MNAT1: variants seen among roughly 807,000 people sequenced by gnomAD.
The protein encoded by MNAT1 is MNAT1 component of CDK activating kinase.
MNAT1 carries 43 observed loss-of-function variants against 42.0 expected under a neutral mutation model. The observed-to-expected ratio is 1.02, with a 90% CI of 0.80 to 1.32. The LOEUF is 1.32. Ranked by LOEUF, MNAT1 falls within the 40% of genes most tolerant of loss-of-function variation. The pLI is 0.00. For synonymous variants in MNAT1, 118 were observed against 120.0 expected (o/e 0.98, Z 0.11); for missense variants, 306 against 350.4 (o/e 0.87, Z 1.01).
chr14:60,746,927 C>T (rs796386157), intron 1 of MNAT1, among the ~76,000 whole-genome samples: 2,369 of 4,698 alleles, frequency 0.5, 273 homozygotes, highest in East Asian at 0.59. Context: ...TATATATACA[C>T]ACACACACAC....
intron 6 of MNAT1, among the ~76,000 whole-genome samples, chr14:60,854,726 C>T (rs748860548): frequency 6.6e-6 from 1 of 152,166 alleles, no homozygotes; most frequent in Non-Finnish European, 1.5e-5. Context: ...TCCTGTATGA[C>T]GTGTCTGTTG....
intron 7 of MNAT1, among the ~76,000 whole-genome samples, chr14:60,935,269 C>A (rs1346251332): frequency 6.6e-6 from 1 of 151,754 alleles, no homozygotes; most frequent in African/African-American, 2.4e-5. Context: ...CTCCCCCTCT[C>A]TTTTTTTTCT....
chr14:60,865,068 A>G (rs940735938), intron 6 of MNAT1, among the ~76,000 whole-genome samples: 4 of 152,064 alleles, frequency 2.6e-5, no homozygotes, highest in Non-Finnish European at 4.4e-5. Flanking sequence ...TCATGAAACA[A>G]ATATTCCTGA....
intron 7 of MNAT1, among the ~76,000 whole-genome samples, chr14:60,913,884 G>A (rs186876421): frequency 6.6e-6 from 1 of 152,202 alleles, no homozygotes; most frequent in African/African-American, 2.4e-5. Context: ...GACTGCAGAG[G>A]TTATTGCTCT....
intron 6 of MNAT1, among the ~76,000 whole-genome samples, chr14:60,878,504 G>A (rs191836356): frequency 1.9e-4 from 29 of 152,230 alleles, no homozygotes; most frequent in Middle Eastern, 3.4e-3. Flanking sequence ...AAATGAGCAG[G>A]AGCATTGTTG....
At chr14:60,820,486 G>A (rs965419323) in intron 6 of MNAT1, among the ~76,000 whole-genome samples, 1 of 149,838 alleles carries the variant, frequency 6.7e-6, no homozygotes, top group African/African-American at 2.4e-5. Flanking sequence ...ATAAGATCTG[G>A]CTTACAGTCT....
chr14:60,900,706 GATT>G (rs2035054942), intron 7 of MNAT1, among the ~76,000 whole-genome samples: 1 of 152,102 alleles, frequency 6.6e-6, no homozygotes, highest in African/African-American at 2.4e-5. Flanking sequence ...TGCCATCTAG[GATT>G]TTCATAGCCA....
At chr14:60,752,828 G>A (rs2030157085) in intron 1 of MNAT1, among the ~76,000 whole-genome samples, 1 of 152,190 alleles carries the variant, frequency 6.6e-6, no homozygotes, top group African/African-American at 2.4e-5. Context: ...GCAGTGGTGT[G>A]ATCTTGGCTC....
chr14:60,931,382 G>A (rs2035878430), intron 7 of MNAT1, among the ~76,000 whole-genome samples: 1 of 152,138 alleles, frequency 6.6e-6, no homozygotes. Flanking sequence ...CACTTTTGTT[G>A]CCTGTGTCAG....
intron 1 of MNAT1, among the ~76,000 whole-genome samples, chr14:60,791,185 C>A (rs184775784): frequency 1.1e-3 from 160 of 152,160 alleles, no homozygotes; most frequent in Non-Finnish European, 2.0e-3. Flanking sequence ...ATATTATTTG[C>A]TTGTTAGTTG....
intron 7 of MNAT1, among the ~76,000 whole-genome samples, chr14:60,904,112 C>A (rs1366632179): frequency 6.6e-6 from 1 of 152,128 alleles, no homozygotes; most frequent in Non-Finnish European, 1.5e-5. Context: ...ACCTTGTGAT[C>A]CACCCGCCTT....
chr14:60,886,925 G>A (rs899144556), intron 7 of MNAT1, among the ~76,000 whole-genome samples: 4 of 152,034 alleles, frequency 2.6e-5, no homozygotes, highest in Non-Finnish European at 5.9e-5. Flanking sequence ...GATGAAAGTG[G>A]ACGTCCTTGT....
chr14:60,750,875 C>T (rs936290283), intron 1 of MNAT1, among the ~76,000 whole-genome samples: 1 of 152,066 alleles, frequency 6.6e-6, no homozygotes, highest in Non-Finnish European at 1.5e-5. Context: ...AAAGCAGCCA[C>T]TGAAGAGAAA....
rs1468450539 is a variant in MNAT1 at position 60,882,773 on chromosome 14, T to C, written c.809+2938T>C. ...TGCTTGTCTTTGGATAAAAGCCATT[T>C]AAACTGGGATGAGATTCTATCTCAT... On this transcript the variant is annotated intron_variant, in intron 7 of 7. Coordinates refer to ENST00000261245, the MANE Select transcript of MNAT1 (RefSeq NM_002431.4). Among the ~76,000 whole-genome samples the C allele has an allele frequency of 3.9e-5, 6 of 152,184 alleles. No homozygotes were observed. The East Asian group carries it at 1.2e-3, about 29-fold the overall frequency.
chr14:60,776,397 G>A (rs1356565906), intron 1 of MNAT1, among the ~76,000 whole-genome samples: 1 of 152,118 alleles, frequency 6.6e-6, no homozygotes, highest in Admixed American at 6.6e-5. Context: ...ATGAGGGTGA[G>A]TGACTTAAGT....
At chr14:60,941,575 A>G (rs985070637) in intron 7 of MNAT1, among the ~76,000 whole-genome samples, 1 of 151,936 alleles carries the variant, frequency 6.6e-6, no homozygotes, top group Non-Finnish European at 1.5e-5. Flanking sequence ...GTATGGTGGT[A>G]TGCGCCTATA....
At chr14:60,780,354 A>G in intron 1 of MNAT1, 1 of 1,576,958 alleles carries the variant, frequency 6.3e-7, no homozygotes, top group South Asian at 1.1e-5. Context: ...GCTATTCAGG[A>G]TGAAATCCGT....
At chr14:60,900,055 T>TCTCTCC (rs772707718) in intron 7 of MNAT1, among the ~76,000 whole-genome samples, 5 of 140,232 alleles carry the variant, frequency 3.6e-5, no homozygotes, top group Non-Finnish European at 8.3e-5. Flanking sequence ...CCCATCTCTC[T>TCTCTCC]CTCTCTCTCT....
chr14:60,921,531 C>T (rs529700793), intron 7 of MNAT1, among the ~76,000 whole-genome samples: 13 of 152,166 alleles, frequency 8.5e-5, no homozygotes, highest in African/African-American at 3.1e-4. Flanking sequence ...TTAAATGTCA[C>T]CTCTCTTCCT....
Sources: gnomAD v4.1 joint callset for allele counts (sites outside exome capture counted in the v4.1 genomes callset) on GRCh38, gnomAD v4.1.1 for gene constraint, MANE v1.5 for transcripts, NCBI Gene and HGNC (gene_info 2026-07-23, HGNC 2026-07-21) for gene names.